The following ELMO1 variants were observed in gnomAD, a reference collection of about 807,000 sequenced individuals.
ELMO1 encodes the protein engulfment and cell motility protein 1.
ELMO1 carries 26 observed loss-of-function variants against 98.9 expected under a neutral mutation model. The observed-to-expected ratio is 0.26, with a 90% confidence interval of 0.19 to 0.36. The LOEUF (loss-of-function observed/expected upper bound fraction) is 0.36, where lower values mean the gene tolerates loss of function less well. Among genes scored for constraint, ELMO1 ranks in the 10% least tolerant of loss-of-function variants. The probability of loss-of-function intolerance (pLI) is 1.00; values close to 1 mark genes in which losing one functional copy is unlikely to be tolerated. For synonymous variants in ELMO1, 346 were observed against 346.0 expected (o/e 1.00, Z 0.00); for missense variants, 627 against 935.2 (o/e 0.67, Z 4.30).
At chr7:37,188,441 CACACACACACGCAA>C (rs1390081949) in intron 13 of ELMO1, among the ~76,000 whole-genome samples, 1 of 36,574 alleles carries the variant, frequency 2.7e-5, no homozygotes. Flanking sequence ...CACACACACA[CACACACACACGCAA>C]ACACACACAC....
At chr7:37,308,517 C>G (rs1798729589) in intron 4 of ELMO1, among the ~76,000 whole-genome samples, 1 of 152,178 alleles carries the variant, frequency 6.6e-6, no homozygotes, top group Non-Finnish European at 1.5e-5. Context: ...GTCACTTCCT[C>G]AAGGCTTAAT....
chr7:36,978,440 G>A (rs768665447), intron 16 of ELMO1, among the ~76,000 whole-genome samples: 7 of 151,984 alleles, frequency 4.6e-5, no homozygotes, highest in Non-Finnish European at 1.0e-4. Context: ...GTGCATGGCC[G>A]GCGGGAGTGC....
intron 15 of ELMO1, among the ~76,000 whole-genome samples, chr7:37,021,242 C>T (rs985773744): frequency 4.6e-5 from 7 of 152,222 alleles, no homozygotes; most frequent in Non-Finnish European, 7.4e-5. Context: ...AAGCTACCAC[C>T]CCTGCTATTT....
chr7:36,950,080 C>T (rs79696728), intron 16 of ELMO1, among the ~76,000 whole-genome samples: 2 of 152,120 alleles, frequency 1.3e-5, no homozygotes, highest in South Asian at 2.1e-4. Flanking sequence ...CACTTTTTTT[C>T]AGCATTTAAA....
chr7:37,390,085 A>T (rs560095672), intron 1 of ELMO1, among the ~76,000 whole-genome samples: 1 of 152,302 alleles, frequency 6.6e-6, no homozygotes, highest in South Asian at 2.1e-4. Flanking sequence ...GTCTGTGTAT[A>T]GGCTATCACA....
intron 13 of ELMO1, among the ~76,000 whole-genome samples, chr7:37,179,012 G>GT (rs1790672934): frequency 6.6e-6 from 1 of 152,144 alleles, no homozygotes; most frequent in South Asian, 2.1e-4. Context: ...ATCACACACT[G>GT]TTAATATTTG....
rs1352287795 is a variant in ELMO1 at position 37,171,509 on chromosome 7, T to TTTTTG, written c.1087-38276_1087-38275insCAAAA. ...TTTTTTTTTTTTTTTTTTTTTTTTT[T>TTTTTG]TGAGACAGAGTCTCGCTCTGTCACC... On this transcript the variant is annotated intron_variant, in intron 13 of 21. Transcript: ENST00000310758. 6.0e-4 allele frequency among the ~76,000 whole-genome samples: 85 copies of TTTTTG among 142,622 alleles called. 6 individuals are homozygous for TTTTTG. The highest frequency in any genetic ancestry group is 8.4e-4 in the Non-Finnish European group (55 of 65,646). 93.6% of individuals were successfully genotyped at this position (142,622 alleles called of 152,430 possible). A position where few individuals can be genotyped will look rare whatever the true frequency, so the allele number is the denominator to read the frequency against.
At chr7:37,338,793 G>A (rs1281248779) in intron 2 of ELMO1, among the ~76,000 whole-genome samples, 1 of 152,224 alleles carries the variant, frequency 6.6e-6, no homozygotes, top group Non-Finnish European at 1.5e-5. Context: ...TTGTGAAGGC[G>A]AGAGCAGGAG....
At chr7:37,243,392 AAC>A (rs1794849566) in intron 7 of ELMO1, among the ~76,000 whole-genome samples, 1 of 152,166 alleles carries the variant, frequency 6.6e-6, no homozygotes, top group Non-Finnish European at 1.5e-5. Context: ...AATGAGTGTA[AAC>A]ATTGAGACAA....
chr7:37,364,288 A>G (rs933181460), intron 1 of ELMO1, among the ~76,000 whole-genome samples: 5 of 152,230 alleles, frequency 3.3e-5, no homozygotes, highest in Non-Finnish European at 5.9e-5. Context: ...GGACCCTCCC[A>G]TGGTTGAGTG....
intron 2 of ELMO1, among the ~76,000 whole-genome samples, chr7:37,320,127 A>C (rs139177577): frequency 6.6e-6 from 1 of 152,110 alleles, no homozygotes; most frequent in African/African-American, 2.4e-5. Flanking sequence ...AAATAAAACA[A>C]TTAGCTGGGC....
intron 13 of ELMO1, among the ~76,000 whole-genome samples, chr7:37,136,241 T>C (rs1448592435): frequency 6.6e-6 from 1 of 152,174 alleles, no homozygotes; most frequent in Non-Finnish European, 1.5e-5. Context: ...CGTCCAAACC[T>C]AAGAATAATT....
intron 16 of ELMO1, among the ~76,000 whole-genome samples, chr7:36,946,122 G>C (rs1787462818): frequency 6.6e-6 from 1 of 152,210 alleles, no homozygotes. Context: ...CAAGCACCCT[G>C]GGAAAAATCA....
chr7:37,098,135 C>A (rs1174224387), intron 14 of ELMO1, among the ~76,000 whole-genome samples: 1 of 152,242 alleles, frequency 6.6e-6, no homozygotes, highest in Non-Finnish European at 1.5e-5. Context: ...ATGATCATCT[C>A]TCAGTAGCAT....
intron 13 of ELMO1, among the ~76,000 whole-genome samples, chr7:37,136,965 T>C (rs1476022106): frequency 2.6e-5 from 4 of 152,122 alleles, no homozygotes; most frequent in Admixed American, 6.5e-5. Flanking sequence ...ACTTAAAAGG[T>C]ACAGAACGGC....
intron 13 of ELMO1, among the ~76,000 whole-genome samples, chr7:37,168,475 C>T (rs536116781): frequency 0.035 from 5,326 of 152,090 alleles, 148 homozygotes; most frequent in Middle Eastern, 0.088. Flanking sequence ...GTTTTATCTA[C>T]TTTTGGTCTT....
chr7:37,259,048 A>C, intron 6 of ELMO1, 133 bp downstream of exon 6: 1 of 1,089,710 alleles, frequency 9.2e-7, no homozygotes, highest in Non-Finnish European at 1.2e-6. Flanking sequence ...ACTATCTTAA[A>C]AACTATTTTT....
intron 15 of ELMO1, among the ~76,000 whole-genome samples, chr7:37,022,368 C>A (rs1306350055): frequency 6.6e-6 from 1 of 152,074 alleles, no homozygotes; most frequent in Non-Finnish European, 1.5e-5. Flanking sequence ...TATAACCACT[C>A]CTATAAGTCA....
intron 13 of ELMO1, among the ~76,000 whole-genome samples, chr7:37,198,388 T>C (rs1792095373): frequency 6.6e-6 from 1 of 152,200 alleles, no homozygotes; most frequent in Admixed American, 6.5e-5. Context: ...TCATCAATTG[T>C]AAAAACTTAC....
Sources: gnomAD v4.1 joint callset for allele counts (sites outside exome capture counted in the v4.1 genomes callset) on GRCh38, gnomAD v4.1.1 for gene constraint, MANE v1.5 for transcripts, NCBI Gene and HGNC (gene_info 2026-07-23, HGNC 2026-07-21) for gene names.